Variants in MOB3B observed in about 807,000 individuals in gnomAD.
MOB3B encodes the protein MOB kinase activator-like 2B.
In MOB3B, 7 loss-of-function variants were observed where a neutral mutation model predicts 18.7. The ratio of observed to expected loss-of-function variants is 0.37; its 90% CI spans 0.21 to 0.70. The LOEUF is 0.70. MOB3B is among the 30% of genes least tolerant of loss of function. MOB3B has a pLI of 0.52. For synonymous variants in MOB3B, 111 were observed against 99.9 expected (o/e 1.11, Z -0.66); for missense variants, 253 against 281.3 (o/e 0.90, Z 0.72).
intron 2 of MOB3B, among the ~76,000 whole-genome samples, chr9:27,387,080 A>G (rs1157605614): frequency 6.6e-6 from 1 of 152,240 alleles, no homozygotes; most frequent in Non-Finnish European, 1.5e-5. Context: ...CTGTGACTTA[A>G]TGAAATCTGT....
rs953726455 is a variant in MOB3B at position 27,455,114 on chromosome 9, G to A, written c.418+19C>T. On this transcript the variant is annotated intron_variant, in intron 2 of 3. Transcript: ENST00000262244. ...ATTGTGCAGGTGACAAAAAAACTGAGAGCTGGTAATGAACTTACCCACGCA... is the reference window on the plus strand; with the variant it reads ...ATTGTGCAGGTGACAAAAAAACTGAAAGCTGGTAATGAACTTACCCACGCA... The A allele has an allele frequency of 1.2e-6, 2 of 1,613,672 alleles. No homozygotes were observed. Among genetic ancestry groups the A allele is most frequent in the African/African-American group, 2.7e-5 (2 of 74,898 alleles).
intron 3 of MOB3B, among the ~76,000 whole-genome samples, chr9:27,334,476 G>A (rs746159210): frequency 2.6e-5 from 4 of 152,160 alleles, no homozygotes; most frequent in Non-Finnish European, 5.9e-5. Context: ...GGTGGGGGTG[G>A]ATGAAATCAG....
chr9:27,491,809 C>T (rs558680719), intron 1 of MOB3B, among the ~76,000 whole-genome samples: 24 of 152,076 alleles, frequency 1.6e-4, no homozygotes, highest in Non-Finnish European at 2.6e-4. Context: ...GAAGGCGGAG[C>T]TTGCAGTGAG....
chr9:27,477,042 T>A (rs1355448266), intron 1 of MOB3B, among the ~76,000 whole-genome samples: 1 of 151,770 alleles, frequency 6.6e-6, no homozygotes, highest in East Asian at 1.9e-4. Context: ...ATCAGAGGAG[T>A]CTCCCGAGCT....
At chr9:27,466,372 T>A (rs543789461) in intron 1 of MOB3B, among the ~76,000 whole-genome samples, 1 of 152,190 alleles carries the variant, frequency 6.6e-6, no homozygotes, top group Non-Finnish European at 1.5e-5. Flanking sequence ...ACTATCAGCA[T>A]TTTTGTCAAA....
At chr9:27,408,564 C>T (rs796285435) in intron 2 of MOB3B, among the ~76,000 whole-genome samples, 4 of 152,276 alleles carry the variant, frequency 2.6e-5, no homozygotes, top group African/African-American at 9.6e-5. Flanking sequence ...CATTATTTTG[C>T]ATCTTGAAAG....
intron 2 of MOB3B, among the ~76,000 whole-genome samples, chr9:27,375,095 A>G (rs113508010): frequency 2.4e-4 from 37 of 152,314 alleles, no homozygotes; most frequent in African/African-American, 8.7e-4. Flanking sequence ...CCCAGCTGTT[A>G]TTCAAGCTCT....
At chr9:27,410,823 T>A (rs1370752423) in intron 2 of MOB3B, among the ~76,000 whole-genome samples, 1 of 152,250 alleles carries the variant, frequency 6.6e-6, no homozygotes, top group East Asian at 1.9e-4. Context: ...GGAATCTACT[T>A]GGTGATTGAA....
chr9:27,453,568 A>C (rs1025533529), intron 2 of MOB3B, among the ~76,000 whole-genome samples: 4 of 152,084 alleles, frequency 2.6e-5, no homozygotes, highest in African/African-American at 9.7e-5. Context: ...GACAGCCAGA[A>C]ACTTCCTCTC....
chr9:27,375,316 T>C (rs557271475), intron 2 of MOB3B, among the ~76,000 whole-genome samples: 3 of 152,308 alleles, frequency 2.0e-5, no homozygotes, highest in African/African-American at 7.2e-5. Context: ...GAAGGCACCA[T>C]TTACTTGTTT....
intron 1 of MOB3B, among the ~76,000 whole-genome samples, chr9:27,494,973 G>A (rs1283654769): frequency 6.6e-6 from 1 of 152,174 alleles, no homozygotes; most frequent in East Asian, 1.9e-4. Context: ...TGGTGATGCT[G>A]ATGCTGCTAG....
At chr9:27,401,259 G>A (rs1390593520) in intron 2 of MOB3B, among the ~76,000 whole-genome samples, 1 of 152,174 alleles carries the variant, frequency 6.6e-6, no homozygotes, top group Non-Finnish European at 1.5e-5. Context: ...ACATAGATGA[G>A]CCCCAGCTGG....
intron 1 of MOB3B, among the ~76,000 whole-genome samples, chr9:27,464,140 G>T (rs1017211189): frequency 4.6e-5 from 7 of 151,934 alleles, no homozygotes; most frequent in Admixed American, 1.3e-4. Context: ...TTAATATCAA[G>T]AAATGATGTG....
chr9:27,499,160 GT>G (rs911071991), intron 1 of MOB3B, among the ~76,000 whole-genome samples: 4 of 152,002 alleles, frequency 2.6e-5, no homozygotes, highest in Non-Finnish European at 4.4e-5. Flanking sequence ...ATCTACTAAA[GT>G]TTTACAATTT....
At chr9:27,345,631 A>G (rs1215488838) in intron 3 of MOB3B, among the ~76,000 whole-genome samples, 1 of 152,086 alleles carries the variant, frequency 6.6e-6, no homozygotes, top group Non-Finnish European at 1.5e-5. Flanking sequence ...GACTCTGTTG[A>G]CTTTGGCTTT....
At chr9:27,506,666 G>T (rs1000477907) in intron 1 of MOB3B, among the ~76,000 whole-genome samples, 1 of 151,938 alleles carries the variant, frequency 6.6e-6, no homozygotes, top group Non-Finnish European at 1.5e-5. Flanking sequence ...AAGTAGCTGG[G>T]ATTACAGGCA....
At chr9:27,367,399 T>G (rs1821355862) in intron 2 of MOB3B, among the ~76,000 whole-genome samples, 2 of 152,020 alleles carry the variant, frequency 1.3e-5, no homozygotes, top group African/African-American at 4.8e-5. Flanking sequence ...TGGAAAAGGG[T>G]AGTTTGGCTT....
intron 2 of MOB3B, among the ~76,000 whole-genome samples, chr9:27,374,059 C>A (rs1037652549): frequency 6.6e-6 from 1 of 152,206 alleles, no homozygotes; most frequent in African/African-American, 2.4e-5. Context: ...TGTTTCTATA[C>A]GTCACTTCCG....
At chr9:27,426,656 A>G (rs190250077) in intron 2 of MOB3B, among the ~76,000 whole-genome samples, 1 of 152,282 alleles carries the variant, frequency 6.6e-6, no homozygotes, top group African/African-American at 2.4e-5. Flanking sequence ...GCTGATATCT[A>G]ATCTCAGAAT....
Sources: gnomAD v4.1 joint callset for allele counts (sites outside exome capture counted in the v4.1 genomes callset) on GRCh38, gnomAD v4.1.1 for gene constraint, MANE v1.5 for transcripts, NCBI Gene and HGNC (gene_info 2026-07-23, HGNC 2026-07-21) for gene names.